Variants in DRC10 observed in about 807,000 individuals in gnomAD.
DRC10 encodes the protein IQ domain-containing protein D.
At chr12:113,213,830 G>A in the DRC10 span, among the ~76,000 whole-genome samples, 8 of 152,178 alleles carry the variant, frequency 5.3e-5, no homozygotes, top group Non-Finnish European at 7.3e-5. Context: ...ATGGTGGTGG[G>A]CACCTGTGGA....
At chr12:113,218,984 G>A in the DRC10 span, among the ~76,000 whole-genome samples, 1 of 152,086 alleles carries the variant, frequency 6.6e-6, no homozygotes, top group African/African-American at 2.4e-5. Context: ...CACTTGGGAG[G>A]GGTAACTTCC....
chr12:113,208,120 G>A, the DRC10 span: 2 of 1,614,174 alleles, frequency 1.2e-6, no homozygotes, highest in Non-Finnish European at 1.7e-6. Context: ...TCTGTTGATG[G>A]CAGGGGCCTG....
the DRC10 span, among the ~76,000 whole-genome samples, chr12:113,213,242 C>G: frequency 6.9e-6 from 1 of 145,708 alleles, no homozygotes; most frequent in Non-Finnish European, 1.5e-5. Context: ...ATTTCTCTCT[C>G]TCTTTTTAAA....
At chr12:113,207,242 G>C in the DRC10 span, 1 of 651,154 alleles carries the variant, frequency 1.5e-6, no homozygotes, top group South Asian at 1.7e-5. Context: ...CAACTACTTG[G>C]GAGGCTGTGG....
the DRC10 span, chr12:113,207,281 G>C: frequency 1.4e-6 from 1 of 726,026 alleles, no homozygotes; most frequent in South Asian, 1.5e-5. Flanking sequence ...CTGGGAGGCA[G>C]AGGTTGCAGT....
the DRC10 span, among the ~76,000 whole-genome samples, chr12:113,209,553 A>AT: frequency 6.6e-6 from 1 of 152,210 alleles, no homozygotes; most frequent in African/African-American, 2.4e-5. Flanking sequence ...TGCCTAGCTA[A>AT]TTTTTTAACT....
the DRC10 span, among the ~76,000 whole-genome samples, chr12:113,202,785 C>T: frequency 6.6e-6 from 1 of 152,168 alleles, no homozygotes; most frequent in African/African-American, 2.4e-5. Context: ...AGAAACCAGA[C>T]CTCTGACAAG....
the DRC10 span, among the ~76,000 whole-genome samples, chr12:113,199,564 C>T: frequency 7.6e-4 from 115 of 152,222 alleles, no homozygotes; most frequent in African/African-American, 2.7e-3. Context: ...GGGAGAGGCC[C>T]GTGGCTTCCA....
At chr12:113,208,481 G>C in the DRC10 span, 52 of 478,116 alleles carry the variant, frequency 1.1e-4, no homozygotes, top group Non-Finnish European at 1.6e-4. Flanking sequence ...TGTGTCAGGC[G>C]GGGACCAGCC....
chr12:113,220,711 A>T, the DRC10 span, among the ~76,000 whole-genome samples: 1 of 152,122 alleles, frequency 6.6e-6, no homozygotes, highest in African/African-American at 2.4e-5. Flanking sequence ...TTTGACTTGA[A>T]ATAAGTTAAC....
At chr12:113,210,932 G>GA in the DRC10 span, among the ~76,000 whole-genome samples, 1 of 152,198 alleles carries the variant, frequency 6.6e-6, no homozygotes, top group African/African-American at 2.4e-5. Flanking sequence ...TTTGAAGAAA[G>GA]AATCATTAGG....
the DRC10 span, among the ~76,000 whole-genome samples, chr12:113,198,521 A>G: frequency 2.0e-3 from 302 of 152,366 alleles, 9 homozygotes; most frequent in East Asian, 0.047. Context: ...TAAGTAAAAC[A>G]TGCCAGACAC....
At chr12:113,213,192 A>AC in the DRC10 span, among the ~76,000 whole-genome samples, 3 of 151,232 alleles carry the variant, frequency 2.0e-5, no homozygotes, top group Non-Finnish European at 4.4e-5. Context: ...AAAAAAAAAA[A>AC]AAAAAAAAAA....
chr12:113,208,118 T>G, the DRC10 span: 1 of 1,614,214 alleles, frequency 6.2e-7, no homozygotes, highest in Non-Finnish European at 8.5e-7. Flanking sequence ...ATTCTGTTGA[T>G]GGCAGGGGCC....
chr12:113,200,143 G>C, the DRC10 span: 3 of 338,900 alleles, frequency 8.9e-6, no homozygotes, highest in South Asian at 6.8e-5. Flanking sequence ...ACCAATGTTA[G>C]CATTTTCATT....
the DRC10 span, among the ~76,000 whole-genome samples, chr12:113,217,675 G>A: frequency 9.2e-5 from 14 of 152,186 alleles, no homozygotes; most frequent in African/African-American, 3.1e-4. Flanking sequence ...GGGATTACAG[G>A]TGCGTGTTAC....
chr12:113,215,526 A>G, the DRC10 span, among the ~76,000 whole-genome samples: 1 of 152,104 alleles, frequency 6.6e-6, no homozygotes. Flanking sequence ...CCTTTTTACT[A>G]TTTTGTTTTT....
the DRC10 span, among the ~76,000 whole-genome samples, chr12:113,214,274 C>T: frequency 1.3e-5 from 2 of 151,524 alleles, no homozygotes; most frequent in African/African-American, 2.4e-5. Flanking sequence ...TGTGGGAGGC[C>T]GAGGCAGGTG....
At chr12:113,197,659 T>TC in the DRC10 span, 1 of 1,196,716 alleles carries the variant, frequency 8.4e-7, no homozygotes, top group Non-Finnish European at 1.2e-6. Flanking sequence ...ATATTAACAA[T>TC]CAACAGCACT....
Sources: gnomAD v4.1 joint callset for allele counts (sites outside exome capture counted in the v4.1 genomes callset) on GRCh38, gnomAD v4.1.1 for gene constraint, MANE v1.5 for transcripts, NCBI Gene and HGNC (gene_info 2026-07-23, HGNC 2026-07-21) for gene names.